Variants in ADGRL2 observed in about 807,000 individuals in gnomAD.
ADGRL2 encodes the protein adhesion G protein-coupled receptor L2, also known as calcium-independent alpha-latrotoxin receptor 2.
A neutral mutation model predicts 157.4 loss-of-function variants in ADGRL2; 44 were observed. That is an observed-to-expected ratio of 0.28 (90% CI 0.22 to 0.36). The LOEUF is 0.36. Among genes scored for constraint, ADGRL2 ranks in the 10% least tolerant of loss-of-function variants. ADGRL2 has a pLI of 1.00. For synonymous variants in ADGRL2, 585 were observed against 624.7 expected (o/e 0.94, Z 0.95); for missense variants, 1,510 against 1,768.9 (o/e 0.85, Z 2.63).
At chr1:81,420,156 T>C (rs1298619556) in intron 1 of ADGRL2, among the ~76,000 whole-genome samples, 1 of 152,198 alleles carries the variant, frequency 6.6e-6, no homozygotes, top group African/African-American at 2.4e-5. Flanking sequence ...TGAAAATAGA[T>C]TATTGAACTA....
At chr1:81,663,384 T>C (rs1471793820) in intron 3 of ADGRL2, among the ~76,000 whole-genome samples, 2 of 152,172 alleles carry the variant, frequency 1.3e-5, no homozygotes, top group African/African-American at 4.8e-5. Flanking sequence ...ACCTCTCGCC[T>C]ACGAATAGAG....
At chr1:81,894,446 C>G (rs2094338129) in intron 2 of ADGRL2, among the ~76,000 whole-genome samples, 1 of 151,930 alleles carries the variant, frequency 6.6e-6, no homozygotes, top group African/African-American at 2.4e-5. Flanking sequence ...ATTTTTGTTT[C>G]TTTTGTGTGT....
chr1:81,605,298 C>T (rs1324132777), intron 3 of ADGRL2, among the ~76,000 whole-genome samples: 1 of 152,144 alleles, frequency 6.6e-6, no homozygotes, highest in Non-Finnish European at 1.5e-5. Flanking sequence ...AGAGAGAAAA[C>T]TACTCTGTTT....
chr1:81,317,342 G>C (rs937966557), intron 1 of ADGRL2, among the ~76,000 whole-genome samples: 1 of 152,010 alleles, frequency 6.6e-6, no homozygotes, highest in Admixed American at 6.6e-5. Flanking sequence ...TACTGCATCT[G>C]GCTCACTGCT....
At chr1:81,834,005 G>GA in intron 1 of ADGRL2, among the ~76,000 whole-genome samples, 1 of 152,268 alleles carries the variant, frequency 6.6e-6, no homozygotes, top group Admixed American at 6.5e-5. Flanking sequence ...GAAGGATAAG[G>GA]AAAAAGCAGA....
At chr1:81,986,789 G>A in intron 21 of ADGRL2, 112 bp from the exon 22 acceptor site, 1 of 1,035,506 alleles carries the variant, frequency 9.7e-7, no homozygotes, top group Non-Finnish European at 1.4e-6. Flanking sequence ...TTGCCAACTT[G>A]TCCACTACCC....
chr1:81,315,870 A>G (rs934554400), intron 1 of ADGRL2, among the ~76,000 whole-genome samples: 1 of 152,170 alleles, frequency 6.6e-6, no homozygotes, highest in East Asian at 1.9e-4. Flanking sequence ...AAGTTGCAGT[A>G]TATATTTTGT....
intron 3 of ADGRL2, among the ~76,000 whole-genome samples, chr1:81,683,129 T>C (rs1286742553): frequency 6.6e-6 from 1 of 152,158 alleles, no homozygotes; most frequent in Non-Finnish European, 1.5e-5. Context: ...TGAGACTCTA[T>C]CTCAAAAATA....
At chr1:81,984,403 T>C (rs768841728) in intron 19 of ADGRL2, 180 bp from the exon 20 acceptor site, 52 of 541,658 alleles carry the variant, frequency 9.6e-5, no homozygotes, top group Non-Finnish European at 1.6e-4. Flanking sequence ...GAGATACTTT[T>C]CTGATTACTA....
chr1:81,535,984 A>G (rs17420938), intron 2 of ADGRL2, among the ~76,000 whole-genome samples: 3,700 of 152,354 alleles, frequency 0.024, 77 homozygotes, highest in Non-Finnish European at 0.035. Context: ...CAGTGTAAAT[A>G]AAGTCATATT....
At chr1:81,927,793 T>G (rs2095142302) in intron 3 of ADGRL2, among the ~76,000 whole-genome samples, 1 of 152,028 alleles carries the variant, frequency 6.6e-6, no homozygotes, top group South Asian at 2.1e-4. Context: ...TTTAGCTTCC[T>G]AATGTTATGT....
intron 3 of ADGRL2, among the ~76,000 whole-genome samples, chr1:81,914,994 G>C (rs2094821690): frequency 6.6e-6 from 1 of 152,176 alleles, no homozygotes; most frequent in South Asian, 2.1e-4. Context: ...ATTTTGAAAT[G>C]GTTTAGAAGA....
At chr1:81,472,810 A>G (rs1055362033) in intron 2 of ADGRL2, among the ~76,000 whole-genome samples, 1 of 152,194 alleles carries the variant, frequency 6.6e-6, no homozygotes, top group Non-Finnish European at 1.5e-5. Context: ...AGCTTTAAGA[A>G]GATTCTTTTT....
chr1:81,692,736 A>G (rs1352177594), intron 3 of ADGRL2, among the ~76,000 whole-genome samples: 1 of 152,238 alleles, frequency 6.6e-6, no homozygotes, highest in Non-Finnish European at 1.5e-5. Context: ...CAGGTGTTGT[A>G]GAGCAGTAAT....
At chr1:81,707,782 T>C (rs1282594012) in intron 1 of ADGRL2, among the ~76,000 whole-genome samples, 2 of 152,148 alleles carry the variant, frequency 1.3e-5, no homozygotes, top group African/African-American at 4.8e-5. Context: ...GAATACTTTT[T>C]TATTAGCCAC....
chr1:81,398,880 G>C lies in ADGRL2; in HGVS notation c.-301-46156G>C, dbSNP rs2076703053. Reference sequence around the variant, plus strand: ...CAACTTGACTATAATATGCCTTATAGAGAATCTTTGGGGTTGAATCTATTT... The same window carrying C: ...CAACTTGACTATAATATGCCTTATACAGAATCTTTGGGGTTGAATCTATTT... On this transcript the variant is annotated intron_variant, in intron 1 of 24. Coordinates refer to the ADGRL2 transcript ENST00000370721. Among the ~76,000 whole-genome samples the C allele has an allele frequency of 2.0e-5, 3 of 152,102 alleles. 1 individual carries two copies. In the South Asian group the frequency reaches 6.2e-4, roughly 32 times the overall value.
chr1:81,615,325 G>A (rs976334869), intron 3 of ADGRL2, among the ~76,000 whole-genome samples: 1 of 152,230 alleles, frequency 6.6e-6, no homozygotes, highest in Non-Finnish European at 1.5e-5. Context: ...CAGGCCACCC[G>A]AGCCAGCAGC....
intron 2 of ADGRL2, among the ~76,000 whole-genome samples, chr1:81,530,735 G>A (rs2079577066): frequency 6.6e-6 from 1 of 152,158 alleles, no homozygotes; most frequent in African/African-American, 2.4e-5. Context: ...CACGAGCAGT[G>A]TAGTATTTTT....
chr1:81,931,010 G>A (rs918818371), intron 3 of ADGRL2, among the ~76,000 whole-genome samples: 7 of 152,084 alleles, frequency 4.6e-5, no homozygotes, highest in East Asian at 3.9e-4. Flanking sequence ...TTAGCCAGGC[G>A]GCGTGGCACA....
Sources: allele counts gnomAD v4.1 joint callset (sites outside exome capture counted in the v4.1 genomes callset), GRCh38; gene constraint gnomAD v4.1.1; transcripts MANE v1.5; gene names NCBI Gene and HGNC (gene_info 2026-07-23, HGNC 2026-07-21).